Variants in PRR11 observed in about 807,000 individuals in gnomAD.
The protein encoded by PRR11 is proline rich 11.
PRR11 carries 30 observed loss-of-function variants against 45.6 expected under a neutral mutation model. That is an observed-to-expected ratio of 0.66 (90% CI 0.49 to 0.89). The LOEUF (loss-of-function observed/expected upper bound fraction) is 0.89. Ranked by LOEUF, PRR11 falls within the 40% of genes least tolerant of loss-of-function variation. The pLI is 0.00. For missense variants in PRR11, 373 were observed against 424.8 expected (o/e 0.88, Z 1.07); for synonymous variants, 128 against 153.5 (o/e 0.83, Z 1.23).
chr17:59,175,000 T>G (rs754901859), intron 2 of PRR11: 2 of 727,760 alleles, frequency 2.7e-6, no homozygotes, highest in Non-Finnish European at 4.7e-6. Context: ...CTCCAGCGCA[T>G]GGAACGGAAG....
At chr17:59,165,887 G>A (rs968150412) in intron 1 of PRR11, among the ~76,000 whole-genome samples, 5 of 152,150 alleles carry the variant, frequency 3.3e-5, no homozygotes, top group Admixed American at 2.0e-4. Flanking sequence ...ATTTCAGCAG[G>A]AAGAAAAAGT....
chr17:59,164,161 A>G (rs2046667703), intron 1 of PRR11, among the ~76,000 whole-genome samples: 2 of 152,218 alleles, frequency 1.3e-5, no homozygotes, highest in Non-Finnish European at 2.9e-5. Context: ...AGTATTGTCT[A>G]TGACTGCCTT....
chr17:59,190,981 C>T lies in PRR11; in HGVS notation c.403-2511C>T, dbSNP rs530769797. On this transcript the variant is annotated intron_variant, in intron 4 of 9. Coordinates refer to ENST00000262293, the MANE Select transcript of PRR11 (RefSeq NM_018304.4). Reference sequence around the variant, plus strand: ...TTTGCCCCACTTCAGAAGCTCTGCTCTGTATTGCTGGGAGGGCTGGCTCCT... The same window carrying T: ...TTTGCCCCACTTCAGAAGCTCTGCTTTGTATTGCTGGGAGGGCTGGCTCCT... Among the ~76,000 whole-genome samples the T allele has an allele frequency of 3.2e-4, 49 of 152,202 alleles. 1 individual carries two copies. The highest frequency in any genetic ancestry group is 3.7e-4 in the Non-Finnish European group (25 of 68,038).
At chr17:59,174,060 C>T (rs976864840) in intron 2 of PRR11, among the ~76,000 whole-genome samples, 2 of 152,322 alleles carry the variant, frequency 1.3e-5, no homozygotes, top group Non-Finnish European at 2.9e-5. Context: ...CTATAGCCTG[C>T]TTCTGAACCA....
chr17:59,174,994 A>C (rs1372305575), intron 2 of PRR11: 1 of 723,890 alleles, frequency 1.4e-6, no homozygotes, highest in Non-Finnish European at 2.3e-6. Flanking sequence ...CAAGCCCTCC[A>C]GCGCATGGAA....
chr17:59,196,951 G>A (rs2046868847), intron 7 of PRR11, among the ~76,000 whole-genome samples: 1 of 151,948 alleles, frequency 6.6e-6, no homozygotes, highest in African/African-American at 2.4e-5. Flanking sequence ...CCAGGTTCAA[G>A]CAATTCTCTG....
At chr17:59,192,987 A>G (rs952477138) in intron 4 of PRR11, among the ~76,000 whole-genome samples, 7 of 152,164 alleles carry the variant, frequency 4.6e-5, no homozygotes, top group Non-Finnish European at 7.3e-5. Context: ...TCTTGAGATC[A>G]TGGCTAAATA....
At chr17:59,180,055 C>G (rs956959320) in intron 2 of PRR11, among the ~76,000 whole-genome samples, 1 of 151,938 alleles carries the variant, frequency 6.6e-6, no homozygotes, top group Admixed American at 6.6e-5. Context: ...TTCCCCTCCC[C>G]ATTCTTCCAT....
chr17:59,158,992 C>T (rs1476778659), intron 1 of PRR11, among the ~76,000 whole-genome samples: 1 of 152,106 alleles, frequency 6.6e-6, no homozygotes, highest in African/African-American at 2.4e-5. Flanking sequence ...GCTAATTTTT[C>T]TATTTTCAGT....
chr17:59,196,364 T>C (rs2046866059), intron 7 of PRR11, among the ~76,000 whole-genome samples: 1 of 152,030 alleles, frequency 6.6e-6, no homozygotes, highest in African/African-American at 2.4e-5. Context: ...ACCTGTTTTA[T>C]TTATTTATTT....
chr17:59,167,582 T>A (rs1259646441), intron 1 of PRR11, among the ~76,000 whole-genome samples: 1 of 152,230 alleles, frequency 6.6e-6, no homozygotes. Context: ...TGGCATGGGC[T>A]GCTCAACTGA....
rs139796046 is a variant in PRR11 at position 59,191,509 on chromosome 17, G to A, written c.403-1983G>A. Among the ~76,000 whole-genome samples, 1,182 of 152,086 alleles carry A rather than the reference G, an allele frequency of 7.8e-3. 52 individuals are homozygous for A. The highest frequency in any genetic ancestry group is 0.071 in the Admixed American group (1,082 of 15,254). On this transcript the variant is annotated intron_variant, in intron 4 of 9. Coordinates refer to ENST00000262293, the MANE Select transcript of PRR11 (RefSeq NM_018304.4). ...GCTGGGATTATAGACGTGAGCCACC[G>A]CACCCAGCTAATGTTTCTTGATTCT...
intron 1 of PRR11, 123 bp from the exon 2 acceptor site, chr17:59,169,625 C>G: frequency 1.1e-6 from 1 of 913,082 alleles, no homozygotes; most frequent in Non-Finnish European, 1.6e-6. Flanking sequence ...TATTTCTTAA[C>G]CAAGATGGTG....
At chr17:59,161,100 A>G (rs1438024332) in intron 1 of PRR11, among the ~76,000 whole-genome samples, 1 of 152,092 alleles carries the variant, frequency 6.6e-6, no homozygotes, top group African/African-American at 2.4e-5. Flanking sequence ...CAGTGTAAGA[A>G]AAAAACTAGT....
Position 59,185,567 on chromosome 17 carries a change from G to A in PRR11, c.402+5G>A, listed in dbSNP as rs1369396906. The A allele has an allele frequency of 3.2e-6, 5 of 1,587,256 alleles. No individual in the cohort carries two copies. Among genetic ancestry groups the A allele is most frequent in the Admixed American group, 3.9e-5 (2 of 51,940 alleles). On this transcript the variant is annotated splice_donor_5th_base_variant and intron_variant, in intron 4 of 9. Transcript: ENST00000262293. ...AAGCTCCAGGAAGCACTGAAGGTTG[G>A]TATTGTCAAATAAAAAGCAAATCTG...
At chr17:59,181,277 A>G (rs531936353) in intron 2 of PRR11, among the ~76,000 whole-genome samples, 1 of 151,720 alleles carries the variant, frequency 6.6e-6, no homozygotes, top group African/African-American at 2.4e-5. Context: ...CGTGAGCCAC[A>G]GCGCCCAGCC....
intron 4 of PRR11, among the ~76,000 whole-genome samples, chr17:59,190,637 G>A (rs2046836479): frequency 6.6e-6 from 1 of 152,186 alleles, no homozygotes; most frequent in Non-Finnish European, 1.5e-5. Context: ...GTAAGTCTAG[G>A]GTATGGCTGG....
chr17:59,196,796 T>C (rs541142911), intron 7 of PRR11, among the ~76,000 whole-genome samples: 1 of 152,288 alleles, frequency 6.6e-6, no homozygotes, highest in Admixed American at 6.5e-5. Context: ...GGTCAAGAAG[T>C]ATTACATATT....
intron 7 of PRR11, among the ~76,000 whole-genome samples, chr17:59,195,900 G>C (rs905461809): frequency 1.4e-4 from 21 of 151,854 alleles, no homozygotes; most frequent in Non-Finnish European, 2.2e-4. Context: ...GCAACATAGT[G>C]AGAGCCCCAT....
Sources: gnomAD v4.1 joint callset for allele counts (sites outside exome capture counted in the v4.1 genomes callset) on GRCh38, gnomAD v4.1.1 for gene constraint, MANE v1.5 for transcripts, NCBI Gene and HGNC (gene_info 2026-07-23, HGNC 2026-07-21) for gene names.